Variants in LRRC7 observed in about 807,000 individuals in gnomAD.
LRRC7 encodes the protein leucine rich repeat containing 7.
A neutral mutation model predicts 175.7 loss-of-function variants in LRRC7; 23 were observed. The observed-to-expected ratio is 0.13, with a 90% confidence interval of 0.09 to 0.19. The LOEUF (loss-of-function observed/expected upper bound fraction) is 0.19. Ranked by LOEUF, LRRC7 falls within the 10% of genes least tolerant of loss-of-function variation. The pLI is 1.00. For synonymous variants in LRRC7, 685 were observed against 680.9 expected (o/e 1.01, Z -0.09); for missense variants, 1,354 against 1,904.7 (o/e 0.71, Z 5.38).
chr1:69,813,016 G>T (rs1282325541), intron 4 of LRRC7, among the ~76,000 whole-genome samples: 1 of 152,024 alleles, frequency 6.6e-6, no homozygotes, highest in Admixed American at 6.6e-5. Context: ...AGTGTCAATT[G>T]ATGAATCCAT....
chr1:69,683,031 A>G (rs763978392), intron 2 of LRRC7, among the ~76,000 whole-genome samples: 6 of 152,144 alleles, frequency 3.9e-5, no homozygotes, highest in Admixed American at 1.3e-4. Context: ...GTTCATCCCA[A>G]TGTGCACTTG....
rs116399106 is a variant in LRRC7, at chr1:69,847,777, C to T, written c.647+9494C>T. 4.5e-3 allele frequency among the ~76,000 whole-genome samples: 685 copies of T among 152,196 alleles called. 5 individuals carry two copies. Among genetic ancestry groups the T allele is most frequent in the African/African-American group, 0.015 (617 of 41,532 alleles). On this transcript the variant is annotated intron_variant, in intron 7 of 26. Coordinates refer to ENST00000651989, the MANE Select transcript of LRRC7 (RefSeq NM_001370785.2). The stretch of plus-strand genomic sequence containing the variant: ...CCTGTGCCTTCAACAATTCCTCCCC[C>T]TTCTCATCTCTACCATTGGAATACA...
intron 8 of LRRC7, among the ~76,000 whole-genome samples, chr1:69,957,967 T>G (rs1407219651): frequency 6.6e-6 from 1 of 151,946 alleles, no homozygotes; most frequent in Non-Finnish European, 1.5e-5. Context: ...TAGAATGTGA[T>G]GCAAGTAAAA....
At chr1:69,850,837 T>C (rs912671738) in intron 7 of LRRC7, among the ~76,000 whole-genome samples, 2 of 152,136 alleles carry the variant, frequency 1.3e-5, no homozygotes, top group African/African-American at 2.4e-5. Context: ...GCTAGATACA[T>C]AAATCATCTG....
chr1:69,865,509 C>T (rs1388380239), intron 7 of LRRC7, among the ~76,000 whole-genome samples: 1 of 56,488 alleles, frequency 1.8e-5, no homozygotes, highest in Non-Finnish European at 3.6e-5. Flanking sequence ...CGGAGTCCCG[C>T]TCAGTGCCCC....
chr1:69,999,721 G>A (rs1338248310), intron 11 of LRRC7, among the ~76,000 whole-genome samples: 3 of 152,156 alleles, frequency 2.0e-5, no homozygotes, highest in Non-Finnish European at 4.4e-5. Context: ...TGACAAGAGG[G>A]CGACCAGCAT....
intron 7 of LRRC7, among the ~76,000 whole-genome samples, chr1:69,898,039 T>A (rs1001099706): frequency 6.6e-6 from 1 of 152,208 alleles, no homozygotes; most frequent in South Asian, 2.1e-4. Context: ...GAAAATTAAC[T>A]GAAGCCTTGA....
chr1:69,626,176 A>G (rs1464475695), intron 1 of LRRC7, among the ~76,000 whole-genome samples: 1 of 152,150 alleles, frequency 6.6e-6, no homozygotes, highest in African/African-American at 2.4e-5. Flanking sequence ...TCTTATTTCT[A>G]GGGTGTAACC....
At chr1:69,941,350 A>G (rs1169232715) in intron 8 of LRRC7, among the ~76,000 whole-genome samples, 1 of 152,120 alleles carries the variant, frequency 6.6e-6, no homozygotes, top group Non-Finnish European at 1.5e-5. Flanking sequence ...ATTAGGTCAT[A>G]TTAATTAATT....
Position 70,018,101 on chromosome 1 carries a change from A to G in LRRC7, c.1321-618A>G, listed in dbSNP as rs149737001. Reference sequence around the variant, plus strand: ...TATTAGATAATATCATTTCCAATATATTTCTGACATGGACTATCAGAGTTC... The same window carrying G: ...TATTAGATAATATCATTTCCAATATGTTTCTGACATGGACTATCAGAGTTC... On this transcript the variant is annotated intron_variant, in intron 14 of 26. Coordinates refer to ENST00000651989, the MANE Select transcript of LRRC7 (RefSeq NM_001370785.2). Among the ~76,000 whole-genome samples the G allele has an allele frequency of 1.3e-3, 197 of 152,186 alleles. 2 individuals carry two copies. The highest frequency in any genetic ancestry group is 0.012 in the Admixed American group (180 of 15,278).
intron 8 of LRRC7, among the ~76,000 whole-genome samples, chr1:69,951,242 A>G (rs1380240999): frequency 1.3e-5 from 2 of 152,134 alleles, no homozygotes; most frequent in African/African-American, 2.4e-5. Flanking sequence ...CTGAGATACC[A>G]TCTCACATCA....
At chr1:69,907,671 T>A (rs1646365934) in intron 7 of LRRC7, among the ~76,000 whole-genome samples, 1 of 152,250 alleles carries the variant, frequency 6.6e-6, no homozygotes, top group Non-Finnish European at 1.5e-5. Context: ...GCCAGTATTT[T>A]ATTGAGGATT....
chr1:69,803,628 G>A (rs1037931853), intron 4 of LRRC7, among the ~76,000 whole-genome samples: 4 of 151,340 alleles, frequency 2.6e-5, no homozygotes, highest in African/African-American at 9.7e-5. Flanking sequence ...GTTCTAATAT[G>A]CAACCAGCAG....
At chr1:69,867,859 AG>A (rs1359060606) in intron 7 of LRRC7, among the ~76,000 whole-genome samples, 1 of 152,174 alleles carries the variant, frequency 6.6e-6, no homozygotes, top group Non-Finnish European at 1.5e-5. Context: ...AGGATAGGAC[AG>A]GTACTAGATT....
At position 70,133,241 on chromosome 1, in the gene LRRC7, G is replaced by C. The variant is rs1444364372; in HGVS notation, c.*11354G>C. Reference sequence around the variant, plus strand: ...TGGGTGTTTTTTGTTTGTTTGTATTGAGACAGTGTCGCTCTGTCGCCCAGG... The same window carrying C: ...TGGGTGTTTTTTGTTTGTTTGTATTCAGACAGTGTCGCTCTGTCGCCCAGG... On this transcript the variant is annotated 3_prime_UTR_variant, in exon 27 of 27. Coordinates refer to ENST00000651989, the MANE Select transcript of LRRC7 (RefSeq NM_001370785.2). Among the ~76,000 whole-genome samples the C allele has an allele frequency of 6.6e-6, 1 of 151,972 alleles. No homozygotes were observed. Among genetic ancestry groups the C allele is most frequent in the Non-Finnish European group, 1.5e-5 (1 of 68,020 alleles).
At chr1:70,054,578 C>CT (rs35639787) in intron 23 of LRRC7, among the ~76,000 whole-genome samples, 20,914 of 53,324 alleles carry the variant, frequency 0.39, 8,265 homozygotes, top group Non-Finnish European at 0.45. Context: ...TTACACTCTA[C>CT]TTTTTTTTTT....
chr1:69,584,374 A>G (rs957355750), intron 1 of LRRC7, among the ~76,000 whole-genome samples: 4 of 152,060 alleles, frequency 2.6e-5, no homozygotes, highest in Admixed American at 2.6e-4. Context: ...TATTTTATCA[A>G]ATGTCTCTCA....
chr1:69,651,592 A>G (rs1174043961), intron 1 of LRRC7, among the ~76,000 whole-genome samples: 1 of 152,232 alleles, frequency 6.6e-6, no homozygotes, highest in African/African-American at 2.4e-5. Context: ...GCAATAATAC[A>G]TGGAGCAAAA....
At chr1:69,741,500 G>A (rs1668707546) in intron 2 of LRRC7, among the ~76,000 whole-genome samples, 1 of 151,932 alleles carries the variant, frequency 6.6e-6, no homozygotes, top group African/African-American at 2.4e-5. Context: ...ATAGAGACTA[G>A]AAGTGGAACT....
Sources: gnomAD v4.1 joint callset for allele counts (sites outside exome capture counted in the v4.1 genomes callset) on GRCh38, gnomAD v4.1.1 for gene constraint, MANE v1.5 for transcripts, NCBI Gene and HGNC (gene_info 2026-07-23, HGNC 2026-07-21) for gene names.